The following FBXL7 variants were observed in gnomAD, a reference collection of about 807,000 sequenced individuals.
FBXL7 encodes F-box and leucine rich repeat protein 7.
FBXL7 carries 12 observed loss-of-function variants against 38.3 expected under a neutral mutation model. The ratio of observed to expected loss-of-function variants is 0.31; its 90% CI spans 0.20 to 0.51. FBXL7 has a LOEUF of 0.51. Among genes scored for constraint, FBXL7 ranks in the 20% least tolerant of loss-of-function variants. FBXL7 has a pLI of 0.98. For synonymous variants in FBXL7, 297 were observed against 300.9 expected, an observed-to-expected ratio of 0.99 and a Z score of 0.13; for missense variants, 567 against 676.4, an observed-to-expected ratio of 0.84 and a Z score of 1.79.
chr5:15,617,728 C>G (rs116957050), intron 2 of FBXL7, among the ~76,000 whole-genome samples: 4,635 of 152,252 alleles, frequency 0.03, 110 homozygotes, highest in East Asian at 0.053. Context: ...CATGAGCCAC[C>G]ATTCCCGACC....
At chr5:15,550,115 A>G (rs146256448) in intron 1 of FBXL7, among the ~76,000 whole-genome samples, 2 of 152,252 alleles carry the variant, frequency 1.3e-5, no homozygotes, top group African/African-American at 2.4e-5. Context: ...ACATTCTCCC[A>G]GGTTACACTT....
At chr5:15,668,765 A>C (rs1159806922) in intron 2 of FBXL7, among the ~76,000 whole-genome samples, 3 of 152,218 alleles carry the variant, frequency 2.0e-5, no homozygotes, top group African/African-American at 7.2e-5. Context: ...GATTTCTGCT[A>C]GGTGCAGCAG....
chr5:15,785,433 CACCTTTGCACCCAGTTG>C (rs556315887), intron 2 of FBXL7, among the ~76,000 whole-genome samples: 2 of 152,284 alleles, frequency 1.3e-5, no homozygotes, highest in South Asian at 4.1e-4. Flanking sequence ...ACAACTGGGT[CACCTTTGCACCCAGTTG>C]GTGGTTATAA....
intron 2 of FBXL7, among the ~76,000 whole-genome samples, chr5:15,887,601 A>G (rs373487837): frequency 2.6e-5 from 4 of 152,250 alleles, no homozygotes; most frequent in East Asian, 1.9e-4. Context: ...CTGCGCTTCT[A>G]AGCTTTGTTA....
chr5:15,856,556 T>TA (rs535018726), intron 2 of FBXL7, among the ~76,000 whole-genome samples: 309 of 147,034 alleles, frequency 2.1e-3, no homozygotes, highest in African/African-American at 4.5e-3. Flanking sequence ...AAAGTAAAAT[T>TA]AAAAAAAAAA....
At chr5:15,935,071 A>T in intron 3 of FBXL7, 1 of 504,874 alleles carries the variant, frequency 2.0e-6, no homozygotes, top group Admixed American at 2.0e-5. Flanking sequence ...GGCTAAGGGA[A>T]GCCATTTCCA....
chr5:15,652,416 G>A lies in FBXL7; in HGVS notation c.127+36344G>A, dbSNP rs1437548228. Reference sequence around the variant, plus strand: ...CGAGTAGCTGGGACTACAGGTGCCCGCCACCAAGCCCGGCTAATTTTTTGT... The same window carrying A: ...CGAGTAGCTGGGACTACAGGTGCCCACCACCAAGCCCGGCTAATTTTTTGT... On this transcript the variant is annotated intron_variant, in intron 2 of 3. Transcript: ENST00000504595. Among the ~76,000 whole-genome samples the A allele has an allele frequency of 5.9e-5, 9 of 152,046 alleles. No homozygotes were observed. In the South Asian group the frequency reaches 8.3e-4, roughly 14 times the overall value.
intron 2 of FBXL7, among the ~76,000 whole-genome samples, chr5:15,926,275 T>G (rs1302468471): frequency 1.3e-5 from 2 of 149,912 alleles, no homozygotes; most frequent in African/African-American, 4.9e-5. Context: ...ACCATATATA[T>G]CCAACGTGTA....
At chr5:15,804,925 A>G (rs1737664918) in intron 2 of FBXL7, among the ~76,000 whole-genome samples, 2 of 152,180 alleles carry the variant, frequency 1.3e-5, no homozygotes, top group African/African-American at 4.8e-5. Flanking sequence ...ATTGGCTTAA[A>G]TAACAGAAAT....
chr5:15,794,241 C>G (rs1428316619), intron 2 of FBXL7, among the ~76,000 whole-genome samples: 2 of 152,112 alleles, frequency 1.3e-5, no homozygotes, highest in South Asian at 2.1e-4. Flanking sequence ...TGCACCAGTT[C>G]CATAGAAAGT....
At chr5:15,613,378 T>G (rs1740320861) in intron 1 of FBXL7, among the ~76,000 whole-genome samples, 1 of 152,088 alleles carries the variant, frequency 6.6e-6, no homozygotes, top group African/African-American at 2.4e-5. Flanking sequence ...TCAACCCACT[T>G]CCAAAGATGA....
At chr5:15,703,933 A>C (rs1743603653) in intron 2 of FBXL7, among the ~76,000 whole-genome samples, 1 of 152,222 alleles carries the variant, frequency 6.6e-6, no homozygotes, top group East Asian at 1.9e-4. Context: ...TGTCATGCAG[A>C]GCATCTAAGC....
chr5:15,833,542 T>C (rs1176195831), intron 2 of FBXL7, among the ~76,000 whole-genome samples: 1 of 152,222 alleles, frequency 6.6e-6, no homozygotes, highest in East Asian at 1.9e-4. Context: ...ACAGCTCCAG[T>C]ATCTTCCCTG....
intron 2 of FBXL7, among the ~76,000 whole-genome samples, chr5:15,916,623 G>A (rs914801704): frequency 2.6e-5 from 4 of 152,172 alleles, no homozygotes; most frequent in African/African-American, 9.7e-5. Flanking sequence ...AAATTTCAAG[G>A]AGAATGCAGT....
chr5:15,568,232 A>T (rs897131651), intron 1 of FBXL7, among the ~76,000 whole-genome samples: 7 of 151,674 alleles, frequency 4.6e-5, no homozygotes, highest in Non-Finnish European at 1.0e-4. Context: ...AAGTGTTCCT[A>T]TTTCTCCACA....
intron 1 of FBXL7, among the ~76,000 whole-genome samples, chr5:15,554,718 G>A (rs1218822787): frequency 6.6e-6 from 1 of 152,178 alleles, no homozygotes; most frequent in Non-Finnish European, 1.5e-5. Flanking sequence ...GCATATTCAA[G>A]GTGGAAGAGC....
chr5:15,548,256 C>A (rs141726306), intron 1 of FBXL7, among the ~76,000 whole-genome samples: 2 of 152,232 alleles, frequency 1.3e-5, no homozygotes, highest in Admixed American at 6.5e-5. Flanking sequence ...ACATTTTGAA[C>A]AATGATGCTT....
At chr5:15,851,121 T>A (rs970421536) in intron 2 of FBXL7, among the ~76,000 whole-genome samples, 1 of 152,202 alleles carries the variant, frequency 6.6e-6, no homozygotes, top group African/African-American at 2.4e-5. Flanking sequence ...TCAGCAAGGA[T>A]ACACACACCC....
chr5:15,513,320 A>G (rs932437736), intron 1 of FBXL7, among the ~76,000 whole-genome samples: 12 of 152,224 alleles, frequency 7.9e-5, no homozygotes, highest in Non-Finnish European at 1.6e-4. Context: ...TTTAAGAAGT[A>G]CAATTAAAAT....
Sources: allele counts gnomAD v4.1 joint callset (sites outside exome capture counted in the v4.1 genomes callset), GRCh38; gene constraint gnomAD v4.1.1; transcripts MANE v1.5; gene names NCBI Gene and HGNC (gene_info 2026-07-23, HGNC 2026-07-21).